Variants in MLPH observed in about 807,000 individuals in gnomAD.
The protein encoded by MLPH is exophilin-3.
Under a neutral mutation model 72.1 loss-of-function variants are expected in MLPH, and 51 were observed. The ratio of observed to expected loss-of-function variants is 0.71; its 90% CI spans 0.56 to 0.89. The LOEUF (loss-of-function observed/expected upper bound fraction) is 0.89. MLPH is among the 40% of genes least tolerant of loss of function. The pLI is 0.00. For synonymous variants in MLPH, 301 were observed against 310.1 expected (o/e 0.97, Z 0.31); for missense variants, 743 against 759.9 (o/e 0.98, Z 0.26).
intron 14 of MLPH, chr2:237,552,009 A>G: frequency 4.7e-6 from 1 of 214,052 alleles, no homozygotes; most frequent in Non-Finnish European, 9.2e-6. Context: ...CAAAAAAGAA[A>G]AGAAAGTCAA....
Position 237,542,659 on chromosome 2 carries a change from G to C in MLPH, c.1539G>C (p.Pro513=). ...AGCCCCGGAGGAAGTCAAACCTCCC[G>C]GTGAGTGGGGGGCAGTGGTGAGTGG... The part of the protein sequence containing the change: ...SGKPRRKSNL[P]IFLPRVAGKL... Residue 513 remains proline, a splice_region_variant and synonymous_variant, in exon 12 of 16, where the codon CCG becomes CCC. Transcript: ENST00000264605. 1 of 1,567,524 alleles carries C rather than the reference G, an allele frequency of 6.4e-7. No homozygotes were observed. Among genetic ancestry groups the C allele is most frequent in the Non-Finnish European group, 8.6e-7 (1 of 1,156,540 alleles).
At chr2:237,516,914 A>ATGGATGGATGGAT (rs1559350480) in intron 4 of MLPH, among the ~76,000 whole-genome samples, 17 of 119,324 alleles carry the variant, frequency 1.4e-4, no homozygotes, top group African/African-American at 6.6e-4. Flanking sequence ...GATGGATGGT[A>ATGGATGGATGGAT]GGATGGATGG....
intron 14 of MLPH, among the ~76,000 whole-genome samples, chr2:237,550,922 G>A (rs2081024507): frequency 6.6e-6 from 1 of 152,168 alleles, no homozygotes; most frequent in Non-Finnish European, 1.5e-5. Context: ...TTTGTGAAGG[G>A]TAGACTCTGT....
At chr2:237,524,321 A>ATATATATAT (rs1559357447) in intron 6 of MLPH, among the ~76,000 whole-genome samples, 10 of 146,146 alleles carry the variant, frequency 6.8e-5, no homozygotes, top group African/African-American at 2.2e-4. Flanking sequence ...ATATATATAT[A>ATATATATAT]AAGGGGAGTT....
chr2:237,493,341 G>A lies in MLPH; in HGVS notation c.-24-62G>A, dbSNP rs942509752. 5.0e-5 allele frequency: 52 copies of A among 1,046,832 alleles called. No homozygotes were observed. In the African/African-American group the frequency reaches 7.7e-4, roughly 15 times the overall value. 64.8% of individuals were successfully genotyped at this position (1,046,832 alleles called of 1,614,324 possible). On this transcript the variant is annotated intron_variant, in intron 1 of 15. Transcript: ENST00000264605. ...AGCGTTCTGTGTTGTCTCTTACTCT[G>A]TGACTTGATTGGTATTGGTAGGCTT...
chr2:237,550,636 G>A lies in MLPH; in HGVS notation c.1675+1358G>A, dbSNP rs186440769. ...GTGATCTCAGCTCACTGCACCCCCC[G>A]CTTCCTGGGTTCAAGTGATTCTCCT... On this transcript the variant is annotated intron_variant, in intron 14 of 15. Coordinates refer to ENST00000264605, the MANE Select transcript of MLPH (RefSeq NM_024101.7). 1.3e-4 allele frequency among the ~76,000 whole-genome samples: 20 copies of A among 152,114 alleles called. No individual in the cohort carries two copies. In the East Asian group the frequency reaches 1.4e-3, roughly 10 times the overall value.
rs374306645 is a variant in MLPH at position 237,514,181 on chromosome 2, C to T, written c.445+3080C>T. Among the ~76,000 whole-genome samples the T allele has an allele frequency of 1.2e-4, 19 of 152,186 alleles. No homozygotes were observed. The East Asian group carries it at 1.7e-3, about 14-fold the overall frequency. On this transcript the variant is annotated intron_variant, in intron 4 of 15. Coordinates refer to ENST00000264605, the MANE Select transcript of MLPH (RefSeq NM_024101.7). ...GGATTCTTCTTGGCCTTTCCTCCTCCGAGAATGGGGCGGGATGCTCTCTGG... is the reference window on the plus strand; with the variant it reads ...GGATTCTTCTTGGCCTTTCCTCCTCTGAGAATGGGGCGGGATGCTCTCTGG...
intron 4 of MLPH, among the ~76,000 whole-genome samples, chr2:237,516,775 A>AGATGAATGGATG (rs1157902217): frequency 1.4e-4 from 20 of 146,998 alleles, no homozygotes; most frequent in African/African-American, 4.9e-4. Context: ...GGAGAGGGAG[A>AGATGAATGGATG]GATGAATGGA....
At chr2:237,513,987 G>A (rs771360024) in intron 4 of MLPH, among the ~76,000 whole-genome samples, 21 of 152,166 alleles carry the variant, frequency 1.4e-4, no homozygotes, top group Non-Finnish European at 2.6e-4. Context: ...TGTGTTTACC[G>A]TGTATACATG....
chr2:237,534,775 T>G (rs2106361904), intron 9 of MLPH, 128 bp downstream of exon 9: 1 of 787,948 alleles, frequency 1.3e-6, no homozygotes, highest in Middle Eastern at 2.5e-4. Flanking sequence ...TTAAGTTCTG[T>G]GTGTAGTTCT....
chr2:237,525,996 T>TG lies in MLPH; in HGVS notation c.880+192dup, dbSNP rs1330271468. On this transcript the variant is annotated intron_variant, in intron 7 of 15. Transcript: ENST00000264605. ...ACCTGCCGTCCCCGGGACCGGGATG[T>TG]GCGCTTCCCTGTAACTGTCAGAACT... Among the ~76,000 whole-genome samples the TG allele has an allele frequency of 2.0e-5, 3 of 152,236 alleles. No homozygotes were observed. The East Asian group carries it at 5.8e-4, about 29-fold the overall frequency.
intron 4 of MLPH, among the ~76,000 whole-genome samples, chr2:237,516,635 G>T (rs1166285694): frequency 6.6e-6 from 1 of 152,228 alleles, no homozygotes; most frequent in Non-Finnish European, 1.5e-5. Flanking sequence ...GCAACTGATT[G>T]GTAATGTTGA....
intron 8 of MLPH, among the ~76,000 whole-genome samples, chr2:237,532,327 G>A (rs187220397): frequency 1.1e-3 from 171 of 152,332 alleles, no homozygotes; most frequent in Non-Finnish European, 2.0e-3. Flanking sequence ...CAGCTTTCCC[G>A]ACGAGGGGTA....
Position 237,525,585 on chromosome 2 carries a change from A to G in MLPH, c.676-16A>G, listed in dbSNP as rs368254445. 29 of 1,613,706 alleles carry G rather than the reference A, an allele frequency of 1.8e-5. No individual in the cohort carries two copies. Among genetic ancestry groups the G allele is most frequent in the Non-Finnish European group, 1.9e-5 (23 of 1,179,796 alleles). On this transcript the variant is annotated splice_polypyrimidine_tract_variant and intron_variant, in intron 6 of 15. Coordinates refer to ENST00000264605, the MANE Select transcript of MLPH (RefSeq NM_024101.7). ...AGTAAACCCTGCAGAGGAGGCTGAC[A>G]GCCCCATGTGCTTAGTCCCTCACAG...
At chr2:237,522,568 T>C (rs1435244270) in intron 6 of MLPH, among the ~76,000 whole-genome samples, 1 of 142,916 alleles carries the variant, frequency 7.0e-6, no homozygotes, top group Admixed American at 6.8e-5. Context: ...GGCTTGGACC[T>C]TGAAACACCT....
intron 8 of MLPH, among the ~76,000 whole-genome samples, chr2:237,531,076 T>TG (rs979151984): frequency 2.0e-5 from 3 of 152,154 alleles, no homozygotes; most frequent in Admixed American, 6.5e-5. Flanking sequence ...ATGCGGCAGC[T>TG]GGGGGGTCCC....
At chr2:237,553,489 T>G in intron 15 of MLPH, 77 bp from the exon 16 acceptor site, 1 of 1,339,626 alleles carries the variant, frequency 7.5e-7, no homozygotes, top group Non-Finnish European at 1.1e-6. Flanking sequence ...TATTTGTATG[T>G]GCATGCCCAT....
intron 1 of MLPH, among the ~76,000 whole-genome samples, chr2:237,492,296 A>G (rs2079443276): frequency 6.6e-6 from 1 of 152,064 alleles, no homozygotes; most frequent in Admixed American, 6.5e-5. Context: ...TTACCTACAA[A>G]CACAGCATCA....
chr2:237,501,476 C>T (rs1173546924), intron 2 of MLPH, among the ~76,000 whole-genome samples: 2 of 151,832 alleles, frequency 1.3e-5, no homozygotes, highest in Non-Finnish European at 2.9e-5. Flanking sequence ...TGTATTGTCT[C>T]GTATTATTGT....
Sources: gnomAD v4.1 joint callset for allele counts (sites outside exome capture counted in the v4.1 genomes callset) on GRCh38, gnomAD v4.1.1 for gene constraint, MANE v1.5 for transcripts, NCBI Gene and HGNC (gene_info 2026-07-23, HGNC 2026-07-21) for gene names.